The following DKK2 variants were observed in gnomAD, a reference collection of about 807,000 sequenced individuals.
The protein encoded by DKK2 is dickkopf-related protein 2.
DKK2 carries 11 observed loss-of-function variants against 28.1 expected under a neutral mutation model. That is an observed-to-expected ratio of 0.39 (90% CI 0.25 to 0.65). The LOEUF is 0.65. Among genes scored for constraint, DKK2 ranks in the 30% least tolerant of loss-of-function variants. The probability of loss-of-function intolerance (pLI) is 0.47; values close to 1 mark genes in which losing one functional copy is unlikely to be tolerated. For missense variants in DKK2, 326 were observed against 335.5 expected (o/e 0.97, Z 0.22); for synonymous variants, 135 against 126.5 (o/e 1.07, Z -0.45).
intron 1 of DKK2, among the ~76,000 whole-genome samples, chr4:107,002,295 C>T (rs925980343): frequency 2.6e-4 from 39 of 152,230 alleles, no homozygotes; most frequent in African/African-American, 8.4e-4. Context: ...TATTATTGAA[C>T]TCTAAGTATT....
chr4:107,016,364 G>A (rs1723605200), intron 1 of DKK2, among the ~76,000 whole-genome samples: 2 of 151,800 alleles, frequency 1.3e-5, no homozygotes, highest in South Asian at 4.1e-4. Context: ...TCCCTGCCCT[G>A]GCCGTGACAG....
At chr4:106,960,831 G>T (rs1050293065) in intron 1 of DKK2, among the ~76,000 whole-genome samples, 5 of 152,026 alleles carry the variant, frequency 3.3e-5, no homozygotes, top group African/African-American at 2.4e-5. Context: ...ACAATAATGA[G>T]AAATTAAACT....
At chr4:107,031,175 A>G (rs1723869798) in intron 1 of DKK2, among the ~76,000 whole-genome samples, 1 of 151,934 alleles carries the variant, frequency 6.6e-6, no homozygotes, top group African/African-American at 2.4e-5. Flanking sequence ...AAATTCCTTT[A>G]TTTTTTAAAA....
At chr4:106,939,753 A>G (rs953665005) in intron 1 of DKK2, among the ~76,000 whole-genome samples, 3 of 152,236 alleles carry the variant, frequency 2.0e-5, no homozygotes, top group Admixed American at 2.0e-4. Context: ...ACTGATACCA[A>G]AACAGAGATA....
intron 1 of DKK2, among the ~76,000 whole-genome samples, chr4:106,999,557 G>A (rs1578373332): frequency 6.6e-6 from 1 of 152,002 alleles, no homozygotes; most frequent in East Asian, 1.9e-4. Context: ...ACGTTAGCCA[G>A]GATGATCTCA....
intron 1 of DKK2, among the ~76,000 whole-genome samples, chr4:106,968,051 G>A (rs369588785): frequency 4.1e-5 from 6 of 147,778 alleles, no homozygotes; most frequent in East Asian, 3.9e-4. Flanking sequence ...GGGAGAAAAC[G>A]GAGGAATGAA....
At chr4:106,984,650 A>G (rs1723090099) in intron 1 of DKK2, among the ~76,000 whole-genome samples, 1 of 152,222 alleles carries the variant, frequency 6.6e-6, no homozygotes, top group Non-Finnish European at 1.5e-5. Flanking sequence ...TTCATCTGTC[A>G]TGGGACACTT....
In DKK2 at chr4:106,967,943, AAGAG is replaced by A. The variant is rs1372192971; in HGVS notation, c.223-41998_223-41995del. ...GAGAGAGGGGTGGAAGGAAGGAAGAAAGAGAGAAAACAAAGAAAGAAAGGAATGA... is the reference window on the plus strand; with the variant it reads ...GAGAGAGGGGTGGAAGGAAGGAAGAAAGAAAACAAAGAAAGAAAGGAATGA... On this transcript the variant is annotated intron_variant, in intron 1 of 3. Coordinates refer to ENST00000285311, the MANE Select transcript of DKK2 (RefSeq NM_014421.3). 3.6e-5 allele frequency among the ~76,000 whole-genome samples: 5 copies of A among 137,176 alleles called. 1 individual carries two copies. Among genetic ancestry groups the A allele is most frequent in the East Asian group, 2.3e-4 (1 of 4,270 alleles). 90.0% of individuals were successfully genotyped at this position (137,176 alleles called of 152,430 possible). A position where few individuals can be genotyped will look rare whatever the true frequency, so the allele number is the denominator to read the frequency against.
intron 1 of DKK2, among the ~76,000 whole-genome samples, chr4:106,930,195 A>G (rs1444997520): frequency 6.6e-6 from 1 of 152,214 alleles, no homozygotes; most frequent in Non-Finnish European, 1.5e-5. Flanking sequence ...AGTTGTAATC[A>G]AAAGTCCATA....
intron 1 of DKK2, among the ~76,000 whole-genome samples, chr4:106,948,294 C>T (rs1020195329): frequency 6.6e-6 from 1 of 152,142 alleles, no homozygotes; most frequent in Non-Finnish European, 1.5e-5. Context: ...TTCAAAGCCT[C>T]TGATTCAGTA....
At chr4:107,013,795 A>T (rs1723548389) in intron 1 of DKK2, among the ~76,000 whole-genome samples, 1 of 151,578 alleles carries the variant, frequency 6.6e-6, no homozygotes, top group Non-Finnish European at 1.5e-5. Flanking sequence ...TATGCATCTG[A>T]CAGGGGGTTG....
intron 1 of DKK2, among the ~76,000 whole-genome samples, chr4:107,018,457 C>A (rs1373177557): frequency 6.6e-6 from 1 of 151,984 alleles, no homozygotes; most frequent in Non-Finnish European, 1.5e-5. Context: ...TTAAAATAAA[C>A]AATTTTAGGA....
At chr4:107,033,423 A>C (rs1298048215) in intron 1 of DKK2, among the ~76,000 whole-genome samples, 1 of 152,198 alleles carries the variant, frequency 6.6e-6, no homozygotes, top group Admixed American at 6.5e-5. Context: ...CACCACAAAA[A>C]CATATTTTAT....
At chr4:107,007,418 G>C (rs1723452287) in intron 1 of DKK2, among the ~76,000 whole-genome samples, 2 of 151,992 alleles carry the variant, frequency 1.3e-5, no homozygotes, top group African/African-American at 4.8e-5. Context: ...TAGCACTCTT[G>C]AAAATAATCA....
At chr4:106,987,728 G>T (rs1229212581) in intron 1 of DKK2, among the ~76,000 whole-genome samples, 1 of 151,620 alleles carries the variant, frequency 6.6e-6, no homozygotes, top group Non-Finnish European at 1.5e-5. Flanking sequence ...CATACCTTCT[G>T]AGGCCCAGTT....
At chr4:106,997,859 C>T (rs965456033) in intron 1 of DKK2, among the ~76,000 whole-genome samples, 3 of 152,136 alleles carry the variant, frequency 2.0e-5, no homozygotes, top group African/African-American at 7.2e-5. Context: ...CCTTTTATTG[C>T]CCACCAAATT....
chr4:106,977,933 CT>C (rs1010805124), intron 1 of DKK2, among the ~76,000 whole-genome samples: 1 of 152,134 alleles, frequency 6.6e-6, no homozygotes, highest in African/African-American at 2.4e-5. Context: ...TGTGGCTGTC[CT>C]TTTTGTTGAT....
intron 1 of DKK2, among the ~76,000 whole-genome samples, chr4:107,020,350 T>C (rs997929156): frequency 6.6e-6 from 1 of 152,042 alleles, no homozygotes; most frequent in Non-Finnish European, 1.5e-5. Flanking sequence ...ATTTTTCTTG[T>C]TAAAAAGCCA....
intron 1 of DKK2, among the ~76,000 whole-genome samples, chr4:106,987,661 G>A (rs942581687): frequency 6.6e-6 from 1 of 151,772 alleles, no homozygotes; most frequent in Admixed American, 6.6e-5. Context: ...TCCAGTTTTG[G>A]CACCCTAATA....
Sources: allele counts gnomAD v4.1 joint callset (sites outside exome capture counted in the v4.1 genomes callset), GRCh38; gene constraint gnomAD v4.1.1; transcripts MANE v1.5; gene names NCBI Gene and HGNC (gene_info 2026-07-23, HGNC 2026-07-21).